The following MGRN1 variants were observed in gnomAD, a reference collection of about 807,000 sequenced individuals.
MGRN1 encodes the protein mahogunin ring finger 1.
Under a neutral mutation model 69.2 loss-of-function variants are expected in MGRN1, and 29 were observed. The observed-to-expected ratio is 0.42, with a 90% confidence interval of 0.31 to 0.57. MGRN1 has a LOEUF of 0.57. MGRN1 is among the 20% of genes least tolerant of loss of function. MGRN1 has a pLI of 0.15. For missense variants in MGRN1, 998 were observed against 796.2 expected (o/e 1.25, Z -3.05); for synonymous variants, 470 against 344.2 (o/e 1.37, Z -4.04).
At chr16:4,654,468 C>A (rs143982585) in intron 4 of MGRN1, among the ~76,000 whole-genome samples, 89 of 152,372 alleles carry the variant, frequency 5.8e-4, no homozygotes, top group Admixed American at 1.2e-3. Flanking sequence ...GGCAGGACTG[C>A]CTCCAGGCTA....
intron 1 of MGRN1, chr16:4,639,717 C>T (rs1421107074): frequency 1.3e-5 from 2 of 152,234 alleles, no homozygotes; most frequent in African/African-American, 2.4e-5. Context: ...CGGCCTCTTT[C>T]TCTTAGGGGT....
chr16:4,657,526 G>A (rs1181495387), intron 5 of MGRN1, among the ~76,000 whole-genome samples, 163 bp downstream of exon 5: 4 of 152,180 alleles, frequency 2.6e-5, no homozygotes, highest in Non-Finnish European at 5.9e-5. Flanking sequence ...GTGGATGGGC[G>A]GGAGCAAGGC....
Position 4,668,301 on chromosome 16 carries a change from C to G in MGRN1, c.715C>G (p.Gln239Glu). 1 of 1,613,992 alleles carries G rather than the reference C, an allele frequency of 6.2e-7. No homozygotes were observed. The highest frequency in any genetic ancestry group is 8.5e-7 in the Non-Finnish European group (1 of 1,179,962). The stretch of plus-strand genomic sequence containing the variant: ...CAGCTTCTCTGTGAAGCCTTTAAAG[C>G]AGAAGCAAATTGTAAGTCATCAGAG... The part of the protein sequence containing the change: ...DGSFSVKPLK[Q>E]KQIVDRVSYL... Residue 239 changes from glutamine (Q) to glutamate (E), a missense_variant, in exon 8 of 17, where the codon CAG becomes GAG. Coordinates refer to ENST00000262370, the MANE Select transcript of MGRN1 (RefSeq NM_015246.4).
intron 1 of MGRN1, among the ~76,000 whole-genome samples, chr16:4,648,375 C>T (rs550086927): frequency 1.6e-5 from 2 of 125,568 alleles, no homozygotes; most frequent in African/African-American, 6.9e-5. Flanking sequence ...GCTCCTCCTC[C>T]CGGGGACTCT....
chr16:4,661,185 C>T (rs896285105), intron 5 of MGRN1, among the ~76,000 whole-genome samples: 4 of 151,170 alleles, frequency 2.6e-5, no homozygotes, highest in Admixed American at 6.6e-5. Context: ...CTCTATGTTG[C>T]GTAGGCTGGT....
intron 11 of MGRN1, among the ~76,000 whole-genome samples, chr16:4,678,055 C>T (rs1367515102): frequency 6.6e-6 from 1 of 152,168 alleles, no homozygotes; most frequent in Non-Finnish European, 1.5e-5. Flanking sequence ...CCATGTTGCC[C>T]AGGCTGGTCT....
intron 4 of MGRN1, among the ~76,000 whole-genome samples, 160 bp downstream of exon 4, chr16:4,652,984 G>A (rs2078443140): frequency 6.6e-6 from 1 of 152,150 alleles, no homozygotes; most frequent in South Asian, 2.1e-4. Context: ...CCCACCCCAG[G>A]GACTCCCCAC....
At chr16:4,644,007 C>G (rs1450731323) in intron 1 of MGRN1, among the ~76,000 whole-genome samples, 1 of 151,946 alleles carries the variant, frequency 6.6e-6, no homozygotes, top group Non-Finnish European at 1.5e-5. Flanking sequence ...GAGTCTCGCT[C>G]TGTTGCCCAG....
chr16:4,677,613 G>T (rs376383823), intron 11 of MGRN1, 41 bp downstream of exon 11: 4 of 1,577,698 alleles, frequency 2.5e-6, no homozygotes, highest in Non-Finnish European at 2.6e-6. Context: ...CGGGAGAGGG[G>T]CATGAGTGCC....
chr16:4,671,173 G>A (rs149508202), intron 8 of MGRN1: 9,095 of 584,830 alleles, frequency 0.016, 121 homozygotes, highest in Non-Finnish European at 0.02. Flanking sequence ...CCAGTAGTGG[G>A]GAGAGCCACC....
At chr16:4,627,227 T>C (rs961058381) in intron 1 of MGRN1, among the ~76,000 whole-genome samples, 3 of 152,224 alleles carry the variant, frequency 2.0e-5, no homozygotes, top group Non-Finnish European at 4.4e-5. Context: ...AAGCTTTCTT[T>C]TCACATCTCT....
In MGRN1 at chr16:4,677,495, C is replaced by T. The variant is rs200157628; in HGVS notation, c.988C>T (p.Arg330Trp). ...FRALLQIRAV[R>W]KKPGALSPVS... ...GGCCCTCCTGCAGATCCGGGCGGTG[C>T]GGAAGAAGCCAGGAGCCCTGTCCCC... is the stretch of plus-strand genomic sequence containing the variant. Residue 330 changes from arginine (R) to tryptophan (W), a missense_variant, in exon 11 of 17, where the codon CGG (arginine) becomes TGG (tryptophan). By Grantham distance (101) the Arg-to-Trp change is moderately radical. Transcript: ENST00000262370. 55 of 1,589,612 alleles carry T rather than the reference C, an allele frequency of 3.5e-5. No individual in the cohort carries two copies. Among genetic ancestry groups the T allele is most frequent in the Non-Finnish European group, 4.1e-5 (48 of 1,173,830 alleles).
chr16:4,636,531 G>A (rs993805810), intron 1 of MGRN1, among the ~76,000 whole-genome samples: 5 of 152,162 alleles, frequency 3.3e-5, no homozygotes, highest in African/African-American at 1.2e-4. Context: ...TATGCCTGGA[G>A]TGGACTTGTT....
chr16:4,638,281 A>G (rs1338030956), intron 1 of MGRN1, among the ~76,000 whole-genome samples: 1 of 152,060 alleles, frequency 6.6e-6, no homozygotes, highest in African/African-American at 2.4e-5. Flanking sequence ...CCTGACCAAC[A>G]TGGTGAAACT....
chr16:4,689,467 C>T lies in MGRN1; in HGVS notation c.*559C>T, dbSNP rs77580503. The T allele has an allele frequency of 0.052, 7,913 of 153,144 alleles. 674 individuals are homozygous for T. The highest frequency in any genetic ancestry group is 0.18 in the African/African-American group (7,526 of 41,546). 9.5% of individuals were successfully genotyped at this position (153,144 alleles called of 1,614,324 possible). Reference sequence around the variant, plus strand: ...CGCGGCCTCAGTGCCCTCCCTGGTGCGTCTGCGCTGGGGCCCTCAGTGCTC... The same window carrying T: ...CGCGGCCTCAGTGCCCTCCCTGGTGTGTCTGCGCTGGGGCCCTCAGTGCTC... On this transcript the variant is annotated 3_prime_UTR_variant, in exon 17 of 17. Coordinates refer to ENST00000262370, the MANE Select transcript of MGRN1 (RefSeq NM_015246.4).
At chr16:4,675,601 G>T (rs1180883153) in intron 10 of MGRN1, among the ~76,000 whole-genome samples, 1 of 152,042 alleles carries the variant, frequency 6.6e-6, no homozygotes, top group African/African-American at 2.4e-5. Context: ...AGCCAGATGT[G>T]TTGGCTATAG....
intron 5 of MGRN1, among the ~76,000 whole-genome samples, chr16:4,663,392 A>AC (rs2078729652): frequency 4.6e-4 from 3 of 6,526 alleles, no homozygotes; most frequent in Non-Finnish European, 1.4e-3. Context: ...TTTTTTTTTT[A>AC]CACCTTTATT....
At chr16:4,672,984 A>G (rs2078972197) in intron 9 of MGRN1, among the ~76,000 whole-genome samples, 1 of 152,086 alleles carries the variant, frequency 6.6e-6, no homozygotes, top group Non-Finnish European at 1.5e-5. Flanking sequence ...AACTACAAGC[A>G]CGTGCCACCA....
At chr16:4,664,304 A>G (rs939952079) in intron 5 of MGRN1, 7 of 276,518 alleles carry the variant, frequency 2.5e-5, no homozygotes, top group South Asian at 4.3e-5. Flanking sequence ...ACAGGTCCAA[A>G]AATGGCAAAT....
Sources: allele counts gnomAD v4.1 joint callset (sites outside exome capture counted in the v4.1 genomes callset), GRCh38; gene constraint gnomAD v4.1.1; transcripts MANE v1.5; gene names NCBI Gene and HGNC (gene_info 2026-07-23, HGNC 2026-07-21).